Variants in NUDCD1 observed in about 807,000 individuals in gnomAD.
The protein encoded by NUDCD1 is NudC domain containing 1.
NUDCD1 carries 60 observed loss-of-function variants against 67.8 expected under a neutral mutation model. The ratio of observed to expected loss-of-function variants is 0.88; its 90% confidence interval spans 0.72 to 1.10. NUDCD1 has a LOEUF of 1.10. Among genes scored for constraint, NUDCD1 ranks in the 50% least tolerant of loss-of-function variants. The pLI, the probability that NUDCD1 is intolerant of heterozygous loss-of-function variation, is 0.00. For synonymous variants in NUDCD1, 244 were observed against 230.8 expected, an observed-to-expected ratio of 1.06 and a Z score of -0.52; for missense variants, 643 against 695.0, an observed-to-expected ratio of 0.93 and a Z score of 0.84.
chr8:109,323,900 C>G (rs1815599874), intron 1 of NUDCD1, among the ~76,000 whole-genome samples: 1 of 152,044 alleles, frequency 6.6e-6, no homozygotes, highest in Non-Finnish European at 1.5e-5. Flanking sequence ...AAATTAGACT[C>G]CTATCTCTCA....
intron 5 of NUDCD1, among the ~76,000 whole-genome samples, chr8:109,288,860 C>T (rs1814632594): frequency 6.6e-6 from 1 of 152,020 alleles, no homozygotes; most frequent in South Asian, 2.1e-4. Flanking sequence ...TATTCTCTGG[C>T]TATGAACATC....
chr8:109,277,764 G>A (rs1407486261), intron 6 of NUDCD1, among the ~76,000 whole-genome samples: 1 of 152,196 alleles, frequency 6.6e-6, no homozygotes, highest in African/African-American at 2.4e-5. Flanking sequence ...CCTTTGCTGG[G>A]TTACTGCTTG....
intron 8 of NUDCD1, among the ~76,000 whole-genome samples, chr8:109,269,111 A>C (rs1340366864): frequency 6.6e-6 from 1 of 152,202 alleles, no homozygotes; most frequent in East Asian, 1.9e-4. Context: ...AATGACTGTC[A>C]CTAAAAGATA....
At chr8:109,263,074 A>AAAAAAG (rs1813908719) in intron 8 of NUDCD1, among the ~76,000 whole-genome samples, 1 of 150,052 alleles carries the variant, frequency 6.7e-6, no homozygotes. Flanking sequence ...AAAAAAAAAA[A>AAAAAAG]AAAAACCCTG....
rs745762846 is a variant in NUDCD1 at position 109,243,164 on chromosome 8, T to C, written c.1597A>G (p.Arg533Gly). The change falls in exon 10 of 10, where the codon AGA becomes GGA. Residue 533 changes from arginine (R) to glycine (G), a missense_variant. Physicochemically the swap from Arg to Gly is moderately radical, Grantham distance 125. Coordinates refer to ENST00000239690, the MANE Select transcript of NUDCD1 (RefSeq NM_032869.4). ...TGTCCTACTTGCCTGCCTTCCTTTC[T>C]GTTGTAAAGTACAGTGGACATGGGA... is the stretch of plus-strand genomic sequence containing the variant. ...PAPMSTVLYNRKEGRQVGQVA... is the reference protein window; with the variant it reads ...PAPMSTVLYNGKEGRQVGQVA... 1.2e-6 allele frequency: 2 copies of C among 1,613,960 alleles called. No individual in the cohort carries two copies. Among genetic ancestry groups the C allele is most frequent in the Admixed American group, 1.7e-5 (1 of 60,008 alleles).
intron 1 of NUDCD1, chr8:109,329,936 G>A: frequency 6.6e-7 from 1 of 1,507,178 alleles, no homozygotes; most frequent in Non-Finnish European, 8.9e-7. Context: ...TGAAGTACTG[G>A]TTACTATGGC....
intron 8 of NUDCD1, among the ~76,000 whole-genome samples, chr8:109,269,908 A>T (rs1260420230): frequency 1.3e-5 from 2 of 148,986 alleles, no homozygotes; most frequent in Non-Finnish European, 3.0e-5. Flanking sequence ...ATGGTTAAGG[A>T]TTCCCCTAAG....
chr8:109,329,179 G>A (rs567330547), intron 1 of NUDCD1, among the ~76,000 whole-genome samples: 2 of 151,858 alleles, frequency 1.3e-5, no homozygotes, highest in South Asian at 4.2e-4. Context: ...GAAACTATTG[G>A]CAATAAAACA....
intron 3 of NUDCD1, among the ~76,000 whole-genome samples, chr8:109,294,745 G>A (rs968802064): frequency 1.3e-5 from 2 of 151,956 alleles, no homozygotes; most frequent in Non-Finnish European, 2.9e-5. Flanking sequence ...GGTATTAGAG[G>A]CAACACATTT....
chr8:109,252,362 C>T (rs539778345), intron 8 of NUDCD1, among the ~76,000 whole-genome samples: 2 of 152,074 alleles, frequency 1.3e-5, no homozygotes, highest in South Asian at 4.2e-4. Flanking sequence ...TTTTCTTTAT[C>T]TTTTCCTCTA....
chr8:109,287,695 G>A (rs1814607959), intron 5 of NUDCD1, among the ~76,000 whole-genome samples: 2 of 152,108 alleles, frequency 1.3e-5, no homozygotes, highest in African/African-American at 4.8e-5. Flanking sequence ...GTACCTGGGT[G>A]ACAGGATCAT....
intron 7 of NUDCD1, 146 bp downstream of exon 7, chr8:109,275,206 T>C (rs1057014381): frequency 9.1e-6 from 6 of 659,084 alleles, no homozygotes; most frequent in Admixed American, 8.9e-5. Flanking sequence ...ACTTAGGCCA[T>C]ATTCAAACAT....
chr8:109,247,615 A>C (rs1813528744), intron 8 of NUDCD1, among the ~76,000 whole-genome samples: 1 of 152,190 alleles, frequency 6.6e-6, no homozygotes. Context: ...TAATTGTGAA[A>C]CTAGCAATTT....
intron 2 of NUDCD1, among the ~76,000 whole-genome samples, chr8:109,310,810 C>CTTTTTTTTT (rs59611956): frequency 2.7e-5 from 2 of 75,180 alleles, no homozygotes; most frequent in African/African-American, 5.1e-5. Flanking sequence ...ATAGACAATT[C>CTTTTTTTTT]TTTTTTTTTT....
At chr8:109,249,846 TC>T (rs972646055) in intron 8 of NUDCD1, among the ~76,000 whole-genome samples, 1 of 124,706 alleles carries the variant, frequency 8.0e-6, no homozygotes, top group Non-Finnish European at 1.7e-5. Context: ...ATTGTTGAAT[TC>T]TTTTTTTTTT....
At chr8:109,267,251 A>G (rs1814024917) in intron 8 of NUDCD1, among the ~76,000 whole-genome samples, 1 of 152,148 alleles carries the variant, frequency 6.6e-6, no homozygotes, top group South Asian at 2.1e-4. Context: ...CCCGACAGGT[A>G]GTTTTTCAAT....
At position 109,296,685 on chromosome 8, in the gene NUDCD1, T is replaced by C. The variant is rs575085797; in HGVS notation, c.274-116A>G. The C allele has an allele frequency of 8.3e-5, 58 of 700,494 alleles. 1 individual carries two copies. In the African/African-American group the frequency reaches 9.1e-4, roughly 11 times the overall value. The allele number at this position is 700,494 out of a possible 1,614,324, so 43.4% of individuals were successfully genotyped here. A position where few individuals can be genotyped will look rare whatever the true frequency, so the allele number is the denominator to read the frequency against. On this transcript the variant is annotated intron_variant, in intron 2 of 9. Transcript: ENST00000239690. ...TTTTTAAGAGTTGGAGTCTAATTCC[T>C]CTTCCTTTGATGTGAGCTGTCCTAC...
intron 1 of NUDCD1, chr8:109,329,721 T>C (rs1815760457): frequency 8.0e-7 from 1 of 1,256,278 alleles, no homozygotes; most frequent in Non-Finnish European, 1.1e-6. Flanking sequence ...CTTCTTAAGT[T>C]GTACATTTTA....
At chr8:109,251,399 C>T (rs1369143106) in intron 8 of NUDCD1, among the ~76,000 whole-genome samples, 2 of 152,020 alleles carry the variant, frequency 1.3e-5, no homozygotes, top group East Asian at 3.9e-4. Flanking sequence ...TCTTGAACTC[C>T]TGACTTCGTG....
Sources: gnomAD v4.1 joint callset for allele counts (sites outside exome capture counted in the v4.1 genomes callset) on GRCh38, gnomAD v4.1.1 for gene constraint, MANE v1.5 for transcripts, NCBI Gene and HGNC (gene_info 2026-07-23, HGNC 2026-07-21) for gene names.